Variants in CFH observed in about 807,000 individuals in gnomAD.
CFH encodes complement factor H, also known as H factor 1 (complement).
In CFH, 53 loss-of-function variants were observed where a neutral mutation model predicts 147.3. The ratio of observed to expected loss-of-function variants is 0.36; its 90% confidence interval spans 0.29 to 0.45. The LOEUF is 0.45. CFH is among the 20% of genes least tolerant of loss of function. The pLI is 1.00. For synonymous variants in CFH, 536 were observed against 489.4 expected (o/e 1.10, Z -1.26); for missense variants, 1,380 against 1,498.0 (o/e 0.92, Z 1.30).
intron 20 of CFH, among the ~76,000 whole-genome samples, chr1:196,745,255 C>T (rs1652960629): frequency 6.6e-6 from 1 of 151,988 alleles, no homozygotes; most frequent in Admixed American, 6.6e-5. Context: ...ATTCATTTTT[C>T]CAGCCCAATA....
intron 9 of CFH, among the ~76,000 whole-genome samples, chr1:196,694,427 C>A (rs1458027710): frequency 6.6e-6 from 1 of 152,132 alleles, no homozygotes; most frequent in East Asian, 1.9e-4. Flanking sequence ...GGGTTGGTTC[C>A]AAATCTTTGC....
intron 9 of CFH, among the ~76,000 whole-genome samples, chr1:196,705,781 A>G (rs1668570872): frequency 6.6e-6 from 1 of 152,042 alleles, no homozygotes; most frequent in Non-Finnish European, 1.5e-5. Flanking sequence ...CACTGTACAC[A>G]CCCCATACTG....
chr1:196,722,789 T>A (rs1479553789), intron 11 of CFH, among the ~76,000 whole-genome samples: 2 of 152,140 alleles, frequency 1.3e-5, no homozygotes, highest in Non-Finnish European at 2.9e-5. Flanking sequence ...ATTTGCTCTT[T>A]ATTTTTGTCT....
chr1:196,694,919 G>T (rs966676569), intron 9 of CFH, among the ~76,000 whole-genome samples: 3 of 152,062 alleles, frequency 2.0e-5, no homozygotes, highest in African/African-American at 7.2e-5. Flanking sequence ...CTGTCAGATG[G>T]ATAGATTGCA....
chr1:196,745,483 CTATGGG>C (rs1301280538), intron 20 of CFH, among the ~76,000 whole-genome samples: 1 of 152,046 alleles, frequency 6.6e-6, no homozygotes, highest in Non-Finnish European at 1.5e-5. Context: ...TTTATAATTC[CTATGGG>C]ATTTTTCGAA....
intron 1 of CFH, among the ~76,000 whole-genome samples, chr1:196,662,572 G>A (rs1182812834): frequency 6.6e-6 from 1 of 151,970 alleles, no homozygotes; most frequent in Admixed American, 6.6e-5. Context: ...TATTTATAGT[G>A]GCAAATTCTC....
At chr1:196,655,967 T>A (rs1666671515) in intron 1 of CFH, among the ~76,000 whole-genome samples, 1 of 152,192 alleles carries the variant, frequency 6.6e-6, no homozygotes, top group Admixed American at 6.5e-5. Flanking sequence ...TTAGCCAAGT[T>A]TTTCATAAAC....
intron 5 of CFH, 60 bp downstream of exon 5, chr1:196,677,727 A>T (rs1052855640): frequency 1.2e-5 from 17 of 1,456,994 alleles, no homozygotes; most frequent in Non-Finnish European, 2.9e-6. Context: ...TACATTTAAA[A>T]CATCGTTCAT....
At chr1:196,672,790 T>C (rs982559296) in intron 1 of CFH, among the ~76,000 whole-genome samples, 188 bp from the exon 2 acceptor site, 1 of 152,130 alleles carries the variant, frequency 6.6e-6, no homozygotes, top group African/African-American at 2.4e-5. Flanking sequence ...AGGTGAAATG[T>C]ATAGTTACAC....
At position 196,653,766 on chromosome 1, in the gene CFH, G is replaced by A. The variant is rs535849877; in HGVS notation, c.58+1591G>A. On this transcript the variant is annotated intron_variant, in intron 1 of 21. Coordinates refer to ENST00000367429, the MANE Select transcript of CFH (RefSeq NM_000186.4). ...TTTATTTTATTTTTCATCAATGTGT[G>A]TTTAAATGTGGTATCAGTTTCTACT... 7.2e-5 allele frequency among the ~76,000 whole-genome samples: 11 copies of A among 152,116 alleles called. No homozygotes were observed. The East Asian group carries it at 2.1e-3, about 29-fold the overall frequency.
In CFH at chr1:196,685,115, G is replaced by A; in HGVS notation, c.842G>A (p.Arg281Lys). Residue 281 changes from arginine to lysine, a missense_variant, in exon 7 of 22, where the codon AGG becomes AAG. By Grantham distance (26) the Arg-to-Lys change is conservative (BLOSUM62 2). Coordinates refer to ENST00000367429, the MANE Select transcript of CFH (RefSeq NM_000186.4). ...YIPNGDYSPL[R>K]IKHRTGDEIT... ...CCAAATGGTGACTACTCACCTTTAA[G>A]GATTAAACACAGAACTGGAGATGAA... 6.2e-7 allele frequency: 1 copy of A among 1,612,542 alleles called. No homozygotes were observed. The highest frequency in any genetic ancestry group is 8.5e-7 in the Non-Finnish European group (1 of 1,179,036).
chr1:196,701,238 C>CAGTT, intron 9 of CFH: 1 of 1,597,912 alleles, frequency 6.3e-7, no homozygotes, highest in Non-Finnish European at 8.6e-7. Flanking sequence ...CAGTCACATT[C>CAGTT]AGTTAGTCCT....
chr1:196,721,011 G>T (rs1203713227), intron 11 of CFH, among the ~76,000 whole-genome samples: 6 of 151,946 alleles, frequency 3.9e-5, no homozygotes, highest in African/African-American at 1.2e-4. Flanking sequence ...TCTAATGTAA[G>T]ATGATAACTC....
intron 4 of CFH, 38 bp downstream of exon 4, chr1:196,676,103 ATATC>A (rs375271367): frequency 1.0e-5 from 13 of 1,239,972 alleles, no homozygotes; most frequent in East Asian, 2.4e-5. Context: ...ATTGAAATAA[ATATC>A]TAAGATTTAA....
chr1:196,688,934 A>G (rs1300329172), intron 7 of CFH, among the ~76,000 whole-genome samples: 1 of 152,144 alleles, frequency 6.6e-6, no homozygotes, highest in Non-Finnish European at 1.5e-5. Context: ...TAAAACAAAT[A>G]AAAACCTTAA....
At chr1:196,715,851 G>A in intron 11 of CFH, 82 bp downstream of exon 11, 2 of 1,171,560 alleles carry the variant, frequency 1.7e-6, no homozygotes, top group Non-Finnish European at 1.2e-6. Flanking sequence ...ATTATATAGA[G>A]GAATTGTTAA....
chr1:196,738,026 TG>T (rs1299200605), intron 17 of CFH, among the ~76,000 whole-genome samples: 1 of 152,020 alleles, frequency 6.6e-6, no homozygotes, highest in African/African-American at 2.4e-5. Context: ...ACAATCATGG[TG>T]GAGGGAGAAG....
chr1:196,732,040 A>G (rs186162767), intron 15 of CFH, among the ~76,000 whole-genome samples: 62 of 151,954 alleles, frequency 4.1e-4, no homozygotes, highest in African/African-American at 1.5e-3. Context: ...CCAGTTGTTG[A>G]AAGTTTTCTG....
chr1:196,735,951 A>G (rs1471679763), intron 15 of CFH, among the ~76,000 whole-genome samples: 5 of 152,058 alleles, frequency 3.3e-5, no homozygotes, highest in Non-Finnish European at 7.4e-5. Flanking sequence ...ACGATTACAT[A>G]AAGCTTTAGG....
Sources: allele counts gnomAD v4.1 joint callset (sites outside exome capture counted in the v4.1 genomes callset), GRCh38; gene constraint gnomAD v4.1.1; transcripts MANE v1.5; gene names NCBI Gene and HGNC (gene_info 2026-07-23, HGNC 2026-07-21).